KDM4B: variants seen among roughly 807,000 people sequenced by gnomAD.
The protein encoded by KDM4B is lysine demethylase 4B.
Under a neutral mutation model 125.2 loss-of-function variants are expected in KDM4B, and 32 were observed. The ratio of observed to expected loss-of-function variants is 0.26; its 90% CI spans 0.19 to 0.34. The LOEUF (loss-of-function observed/expected upper bound fraction) is 0.34, where lower values mean the gene tolerates loss of function less well. Ranked by LOEUF, KDM4B falls within the 10% of genes least tolerant of loss-of-function variation. KDM4B has a pLI of 1.00. For synonymous variants in KDM4B, 721 were observed against 677.9 expected, an observed-to-expected ratio of 1.06 and a Z score of -0.99; for missense variants, 1,190 against 1,577.7, an observed-to-expected ratio of 0.75 and a Z score of 4.16.
At chr19:5,051,510 C>T (rs1228856595) in intron 6 of KDM4B, among the ~76,000 whole-genome samples, 2 of 152,370 alleles carry the variant, frequency 1.3e-5, no homozygotes, top group East Asian at 3.9e-4. Flanking sequence ...TCAGCATGTT[C>T]CTGGGGCTGC....
chr19:5,107,785 C>G (rs1208609036), intron 9 of KDM4B, among the ~76,000 whole-genome samples: 2 of 152,222 alleles, frequency 1.3e-5, no homozygotes, highest in Non-Finnish European at 2.9e-5. Context: ...GTTTCTCTCC[C>G]ACACTGTGGC....
intron 9 of KDM4B, among the ~76,000 whole-genome samples, chr19:5,100,681 G>A (rs1187708236): frequency 6.6e-6 from 1 of 152,150 alleles, no homozygotes; most frequent in East Asian, 1.9e-4. Flanking sequence ...CTCTCAAAGT[G>A]CTGGGATTAA....
At chr19:5,148,160 C>T (rs983094343) in intron 21 of KDM4B, among the ~76,000 whole-genome samples, 4 of 152,246 alleles carry the variant, frequency 2.6e-5, no homozygotes, top group Admixed American at 6.5e-5. Flanking sequence ...CGGGCCGAGG[C>T]GCACGCCTCT....
At chr19:5,039,691 G>T (rs1599475943) in intron 3 of KDM4B, 145 bp from the exon 4 acceptor site, 3 of 811,314 alleles carry the variant, frequency 3.7e-6, no homozygotes, top group South Asian at 1.8e-5. Context: ...TAAGGCAAAT[G>T]GGGGGGTTCC....
intron 12 of KDM4B, 93 bp downstream of exon 12, chr19:5,131,638 G>T: frequency 1.6e-6 from 1 of 634,920 alleles, no homozygotes; most frequent in Non-Finnish European, 2.7e-6. Context: ...GCTGGTGGCG[G>T]GGGAGGGGGC....
chr19:5,036,598 C>T (rs1048005521), intron 3 of KDM4B, among the ~76,000 whole-genome samples: 7 of 152,270 alleles, frequency 4.6e-5, no homozygotes, highest in Admixed American at 2.0e-4. Flanking sequence ...TACCACCCGC[C>T]GGCATCTGCC....
intron 5 of KDM4B, among the ~76,000 whole-genome samples, chr19:5,043,022 G>A (rs2036871031): frequency 1.3e-5 from 2 of 149,232 alleles, no homozygotes; most frequent in South Asian, 4.6e-4. Context: ...TTTCACTTGT[G>A]GCGTCGTTAT....
intron 2 of KDM4B, among the ~76,000 whole-genome samples, chr19:5,032,367 C>A (rs923379032): frequency 6.6e-6 from 1 of 152,206 alleles, no homozygotes; most frequent in Admixed American, 6.5e-5. Flanking sequence ...CTGCTGGCAG[C>A]AGCCAGCCAG....
rs115966621 is a variant in KDM4B, at chr19:5,022,805, C to T, written c.-26+6466C>T. Among the ~76,000 whole-genome samples, 233 of 151,512 alleles carry T rather than the reference C, an allele frequency of 1.5e-3. 2 individuals are homozygous for T. Among genetic ancestry groups the T allele is most frequent in the African/African-American group, 5.4e-3 (222 of 41,252 alleles). On this transcript the variant is annotated intron_variant, in intron 2 of 22. Transcript: ENST00000159111. ...GGTGCTCAGTTTACCCGAGGTGTGC[C>T]GGGCAGGAGTGCTCTCCAGGTGGGG...
In KDM4B at chr19:4,994,539, G is replaced by A. The variant is rs866812321; in HGVS notation, c.-108-21718G>A. On this transcript the variant is annotated intron_variant, in intron 1 of 22. Transcript: ENST00000159111. Reference sequence around the variant, plus strand: ...GATCATGCCATTGCACTCCAGCCTGGGCAACAAGAGTGAAACTCTGTCTCT... The same window carrying A: ...GATCATGCCATTGCACTCCAGCCTGAGCAACAAGAGTGAAACTCTGTCTCT... Among the ~76,000 whole-genome samples the A allele has an allele frequency of 4.3e-5, 6 of 138,454 alleles. No homozygotes were observed. In the Middle Eastern group the frequency reaches 0.012, roughly 286 times the overall value. The allele number at this position is 138,454 out of a possible 152,430, so 90.8% of individuals were successfully genotyped here.
chr19:5,077,066 G>A, intron 7 of KDM4B: 2 of 389,274 alleles, frequency 5.1e-6, no homozygotes, highest in South Asian at 8.0e-5. Context: ...CTGCTGCTGG[G>A]CAGAGACGAG....
intron 1 of KDM4B, among the ~76,000 whole-genome samples, chr19:4,987,315 C>T (rs180927878): frequency 4.0e-5 from 6 of 151,874 alleles, no homozygotes; most frequent in South Asian, 2.1e-4. Context: ...TGGCCGATTG[C>T]GGTCAGGAGC....
chr19:5,049,276 G>A (rs1471953609), intron 6 of KDM4B, among the ~76,000 whole-genome samples: 3 of 152,048 alleles, frequency 2.0e-5, no homozygotes, highest in Non-Finnish European at 4.4e-5. Context: ...ACCTCTCCCC[G>A]AATGCCCCTC....
chr19:4,993,481 C>A (rs2035093797), intron 1 of KDM4B, among the ~76,000 whole-genome samples: 1 of 150,626 alleles, frequency 6.6e-6, no homozygotes, highest in Admixed American at 6.6e-5. Context: ...CCTTTTATTT[C>A]TGTCATTTTT....
At chr19:5,086,893 G>T (rs1472987706) in intron 9 of KDM4B, among the ~76,000 whole-genome samples, 2 of 152,252 alleles carry the variant, frequency 1.3e-5, no homozygotes, top group African/African-American at 4.8e-5. Flanking sequence ...CCCCCACAGG[G>T]CAGAGCTCTC....
chr19:5,054,045 T>C (rs2037316639), intron 6 of KDM4B, among the ~76,000 whole-genome samples: 1 of 152,274 alleles, frequency 6.6e-6, no homozygotes, highest in Non-Finnish European at 1.5e-5. Flanking sequence ...TCTTTATTCC[T>C]GTGCGTGAGT....
intron 9 of KDM4B, among the ~76,000 whole-genome samples, chr19:5,097,723 C>T (rs146484132): frequency 3.1e-4 from 47 of 152,376 alleles, no homozygotes; most frequent in African/African-American, 1.1e-3. Context: ...GCAGAGAGCG[C>T]GTTGGCCACC....
intron 9 of KDM4B, among the ~76,000 whole-genome samples, chr19:5,088,845 A>G (rs2038596379): frequency 6.6e-6 from 1 of 152,156 alleles, no homozygotes; most frequent in South Asian, 2.1e-4. Context: ...GTAAACAAAG[A>G]GAAGTGGGAG....
rs1012211359 is a variant in KDM4B, at chr19:4,998,182, G to A, written c.-108-18075G>A. 6.6e-5 allele frequency among the ~76,000 whole-genome samples: 10 copies of A among 152,258 alleles called. No individual in the cohort carries two copies. In the East Asian group the frequency reaches 9.7e-4, roughly 15 times the overall value. Reference sequence around the variant, plus strand: ...GTGGACGGACAGGTGGCCTTTGCCCGTAGTGCTCCCCAGACCCTGTTGAGT... The same window carrying A: ...GTGGACGGACAGGTGGCCTTTGCCCATAGTGCTCCCCAGACCCTGTTGAGT... On this transcript the variant is annotated intron_variant, in intron 1 of 22. Coordinates refer to ENST00000159111, the MANE Select transcript of KDM4B (RefSeq NM_015015.3).
Sources: allele counts gnomAD v4.1 joint callset (sites outside exome capture counted in the v4.1 genomes callset), GRCh38; gene constraint gnomAD v4.1.1; transcripts MANE v1.5; gene names NCBI Gene and HGNC (gene_info 2026-07-23, HGNC 2026-07-21).